Variants in DENND1A observed in about 807,000 individuals in gnomAD.
DENND1A encodes the protein DENN domain-containing protein 1A.
In DENND1A, 51 loss-of-function variants were observed where a neutral mutation model predicts 113.7. That is an observed-to-expected ratio of 0.45 (90% CI 0.36 to 0.57). The LOEUF (loss-of-function observed/expected upper bound fraction) is 0.57, where lower values mean the gene tolerates loss of function less well. Among genes scored for constraint, DENND1A ranks in the 20% least tolerant of loss-of-function variants. The pLI is 0.00. For synonymous variants in DENND1A, 565 were observed against 570.8 expected (o/e 0.99, Z 0.14); for missense variants, 1,258 against 1,395.9 (o/e 0.90, Z 1.57).
intron 5 of DENND1A, among the ~76,000 whole-genome samples, chr9:123,737,949 T>A (rs529739783): frequency 2.6e-5 from 4 of 152,314 alleles, no homozygotes; most frequent in Admixed American, 6.5e-5. Flanking sequence ...GAAATTTATA[T>A]GAGAAAATTC....
chr9:123,896,310 A>AAAACAAAC (rs1357499796), intron 1 of DENND1A, among the ~76,000 whole-genome samples: 1 of 151,780 alleles, frequency 6.6e-6, no homozygotes, highest in Non-Finnish European at 1.5e-5. Flanking sequence ...AGACTCTCTG[A>AAAACAAAC]AAACAAACAA....
intron 13 of DENND1A, among the ~76,000 whole-genome samples, chr9:123,554,455 G>C (rs1315160410): frequency 6.6e-6 from 1 of 152,142 alleles, no homozygotes; most frequent in East Asian, 1.9e-4. Context: ...CACCATGCCT[G>C]GCTGCCCCAA....
At chr9:123,732,716 T>G (rs1017885374) in intron 5 of DENND1A, among the ~76,000 whole-genome samples, 1 of 152,202 alleles carries the variant, frequency 6.6e-6, no homozygotes, top group African/African-American at 2.4e-5. Flanking sequence ...TCTATTAATT[T>G]TGAAAAATGA....
intron 2 of DENND1A, among the ~76,000 whole-genome samples, chr9:123,821,916 G>T (rs1044428760): frequency 2.6e-5 from 4 of 152,172 alleles, no homozygotes; most frequent in African/African-American, 7.2e-5. Flanking sequence ...GATTAATGCT[G>T]AGAAAATCAA....
At chr9:123,807,975 C>T (rs1314736909) in intron 2 of DENND1A, among the ~76,000 whole-genome samples, 1 of 152,212 alleles carries the variant, frequency 6.6e-6, no homozygotes, top group East Asian at 1.9e-4. Context: ...CCTGCAAGCC[C>T]AGCACTTTGG....
In DENND1A at chr9:123,408,331, C is replaced by T. The variant is rs375299912; in HGVS notation, c.1542+3445G>A. The stretch of plus-strand genomic sequence containing the variant: ...CATAAATGCATTTAGAATAAATGGT[C>T]CTTAGGGGCCCAGAAAGCACAAATC... On this transcript the variant is annotated intron_variant, in intron 20 of 23. Coordinates refer to ENST00000394215, the MANE Select transcript of DENND1A (RefSeq NM_001352964.2). 6.4e-4 allele frequency among the ~76,000 whole-genome samples: 97 copies of T among 152,294 alleles called. 3 individuals carry two copies. The South Asian group carries it at 0.018, about 28-fold the overall frequency.
At chr9:123,500,644 T>C (rs897263357) in intron 13 of DENND1A, among the ~76,000 whole-genome samples, 2 of 152,196 alleles carry the variant, frequency 1.3e-5, no homozygotes, top group Admixed American at 1.3e-4. Flanking sequence ...CACTGAGAGT[T>C]CTCCGCACGC....
chr9:123,391,541 G>C (rs186765961), intron 21 of DENND1A, among the ~76,000 whole-genome samples: 1 of 152,214 alleles, frequency 6.6e-6, no homozygotes, highest in Non-Finnish European at 1.5e-5. Flanking sequence ...ACCACTACGG[G>C]ATCTTGCCTC....
At chr9:123,464,162 A>G (rs576436827) in intron 13 of DENND1A, among the ~76,000 whole-genome samples, 15 of 152,308 alleles carry the variant, frequency 9.8e-5, no homozygotes, top group Admixed American at 2.0e-4. Flanking sequence ...AGCACTTACT[A>G]TGGTCTAGGC....
At chr9:123,833,122 CAAAAAAAAAAAAAAAA>C (rs1163844269) in intron 2 of DENND1A, among the ~76,000 whole-genome samples, 1 of 27,568 alleles carries the variant, frequency 3.6e-5, no homozygotes, top group Non-Finnish European at 7.3e-5. Flanking sequence ...GACCTCATCT[CAAAAAAAAAAAAAAAA>C]AAAAAAAAAA....
At chr9:123,465,192 A>G (rs2048842903) in intron 13 of DENND1A, among the ~76,000 whole-genome samples, 1 of 151,646 alleles carries the variant, frequency 6.6e-6, no homozygotes, top group Non-Finnish European at 1.5e-5. Context: ...AAAAAAAGAA[A>G]AAAAAAACAT....
At chr9:123,561,501 T>C (rs534209817) in intron 12 of DENND1A, among the ~76,000 whole-genome samples, 1 of 152,314 alleles carries the variant, frequency 6.6e-6, no homozygotes, top group Non-Finnish European at 1.5e-5. Flanking sequence ...GTGCATCTGA[T>C]CGCTGGGGAG....
chr9:123,393,558 T>TG (rs1456899031), intron 21 of DENND1A, among the ~76,000 whole-genome samples: 1 of 147,108 alleles, frequency 6.8e-6, no homozygotes, highest in African/African-American at 2.5e-5. Context: ...AAAAAGAAGG[T>TG]GGCTCTGAAC....
intron 6 of DENND1A, among the ~76,000 whole-genome samples, chr9:123,671,798 G>A (rs995991348): frequency 3.3e-5 from 5 of 152,050 alleles, no homozygotes; most frequent in Admixed American, 6.5e-5. Context: ...AGTGTTCACC[G>A]GATACACATG....
intron 13 of DENND1A, among the ~76,000 whole-genome samples, chr9:123,552,896 G>T (rs1171070547): frequency 6.6e-6 from 1 of 152,190 alleles, no homozygotes; most frequent in African/African-American, 2.4e-5. Context: ...TTCAAACCAT[G>T]CATAAAGATT....
intron 13 of DENND1A, among the ~76,000 whole-genome samples, chr9:123,524,277 C>T (rs368044531): frequency 2.5e-4 from 38 of 152,198 alleles, no homozygotes; most frequent in Non-Finnish European, 1.2e-4. Flanking sequence ...GGATAATAAA[C>T]GAATCATGCT....
chr9:123,501,197 G>A (rs1384660630), intron 13 of DENND1A, among the ~76,000 whole-genome samples: 9 of 152,094 alleles, frequency 5.9e-5, no homozygotes, highest in South Asian at 2.1e-4. Context: ...TATACTATTC[G>A]TTCTTCTGTG....
intron 5 of DENND1A, among the ~76,000 whole-genome samples, chr9:123,724,641 G>C (rs79351881): frequency 0.077 from 11,732 of 152,162 alleles, 497 homozygotes; most frequent in Admixed American, 0.11. Context: ...AAAATGTCTG[G>C]CCAGGCCTCC....
At chr9:123,737,535 A>C (rs1244098687) in intron 5 of DENND1A, among the ~76,000 whole-genome samples, 3 of 152,206 alleles carry the variant, frequency 2.0e-5, no homozygotes, top group Non-Finnish European at 4.4e-5. Flanking sequence ...GAGTAGTCCA[A>C]ATTAAATTTA....
Sources: gnomAD v4.1 joint callset for allele counts (sites outside exome capture counted in the v4.1 genomes callset) on GRCh38, gnomAD v4.1.1 for gene constraint, MANE v1.5 for transcripts, NCBI Gene and HGNC (gene_info 2026-07-23, HGNC 2026-07-21) for gene names.